Variants in STPG2 observed in about 807,000 individuals in gnomAD.
The protein encoded by STPG2 is sperm tail PG-rich repeat containing 2.
STPG2 carries 56 observed loss-of-function variants against 54.2 expected under a neutral mutation model. That is an observed-to-expected ratio of 1.03 (90% CI 0.83 to 1.29). STPG2 has a LOEUF of 1.29. STPG2 is among the 50% of genes most tolerant of loss of function. STPG2 has a pLI of 0.00. For synonymous variants in STPG2, 200 were observed against 181.8 expected (o/e 1.10, Z -0.81); for missense variants, 596 against 544.9 (o/e 1.09, Z -0.93).
At chr4:97,849,645 A>T (rs1729086798) in intron 8 of STPG2, among the ~76,000 whole-genome samples, 1 of 152,216 alleles carries the variant, frequency 6.6e-6, no homozygotes, top group Admixed American at 6.5e-5. Context: ...GTAGACATTT[A>T]TGCAGCCAAA....
At chr4:97,798,378 T>C (rs1727273354) in intron 9 of STPG2, among the ~76,000 whole-genome samples, 1 of 152,220 alleles carries the variant, frequency 6.6e-6, no homozygotes, top group South Asian at 2.1e-4. Context: ...TTCTGGTATG[T>C]TGTGTCTTTG....
chr4:98,109,223 C>A lies in STPG2; in HGVS notation c.470G>T (p.Gly157Val), dbSNP rs748348637. Reference protein sequence around the residue: ...SGRQELPKKSGPGPGQYDIVQ... With the variant: ...SGRQELPKKSVPGPGQYDIVQ... ...TATATCATACTGTCCTGGACCAGGACCTGACTTTTTAGGTAACTCTTGTCT... is the reference window on the plus strand; with the variant it reads ...TATATCATACTGTCCTGGACCAGGAACTGACTTTTTAGGTAACTCTTGTCT... Residue 157 changes from glycine (G) to valine (V), a missense_variant, in exon 4 of 11, where the codon GGT (glycine) becomes GTT (valine). Transcript: ENST00000295268. The A allele has an allele frequency of 6.2e-7, 1 of 1,610,272 alleles. No homozygotes were observed. Among genetic ancestry groups the A allele is most frequent in the Non-Finnish European group, 8.5e-7 (1 of 1,177,890 alleles).
At chr4:97,510,180 C>A (rs560968048) in intron 4 of STPG2, among the ~76,000 whole-genome samples, 2 of 152,090 alleles carry the variant, frequency 1.3e-5, no homozygotes, top group African/African-American at 2.4e-5. Context: ...CTGTGTTCCA[C>A]AGTTTTACTC....
intron 10 of STPG2, among the ~76,000 whole-genome samples, chr4:97,663,348 T>TA (rs1370709160): frequency 4.6e-5 from 7 of 152,092 alleles, no homozygotes; most frequent in Admixed American, 4.6e-4. Context: ...AAATAAAATT[T>TA]AAAAAACAAA....
chr4:98,019,495 T>C (rs1176967569), intron 5 of STPG2, among the ~76,000 whole-genome samples: 1 of 151,966 alleles, frequency 6.6e-6, no homozygotes, highest in African/African-American at 2.4e-5. Context: ...GACTTGGCGA[T>C]GCGGGCTCTT....
intron 5 of STPG2, among the ~76,000 whole-genome samples, chr4:98,062,512 T>C (rs1737694893): frequency 6.6e-6 from 1 of 152,158 alleles, no homozygotes; most frequent in Admixed American, 6.5e-5. Context: ...TCGAGAATCC[T>C]TCACAGGGGA....
At chr4:98,114,559 T>C (rs1328607435) in intron 3 of STPG2, among the ~76,000 whole-genome samples, 1 of 152,066 alleles carries the variant, frequency 6.6e-6, no homozygotes, top group Non-Finnish European at 1.5e-5. Flanking sequence ...TAAGGTTTTG[T>C]ATTAACTCTT....
intron 5 of STPG2, among the ~76,000 whole-genome samples, chr4:98,102,965 T>C (rs531434301): frequency 1.3e-5 from 2 of 150,670 alleles, no homozygotes; most frequent in Non-Finnish European, 3.0e-5. Context: ...CTGGTCCCAT[T>C]TCCCTTATTC....
intron 6 of STPG2, among the ~76,000 whole-genome samples, chr4:97,978,062 T>C (rs146193310): frequency 1.6e-3 from 247 of 152,306 alleles, no homozygotes; most frequent in Non-Finnish European, 2.9e-3. Context: ...GTGCCAATAG[T>C]TCCTTTCATC....
At chr4:97,928,669 G>T (rs1436000575) in intron 8 of STPG2, among the ~76,000 whole-genome samples, 1 of 151,862 alleles carries the variant, frequency 6.6e-6, no homozygotes, top group African/African-American at 2.4e-5. Context: ...TAGTTTTGTT[G>T]CATGTACCAT....
At chr4:97,480,645 A>C (rs1358351266) in intron 4 of STPG2, among the ~76,000 whole-genome samples, 1 of 151,504 alleles carries the variant, frequency 6.6e-6, no homozygotes, top group African/African-American at 2.4e-5. Flanking sequence ...GTAGGTATGT[A>C]ATGTGGTTTT....
At chr4:98,036,240 A>G (rs1736775381) in intron 5 of STPG2, among the ~76,000 whole-genome samples, 1 of 152,128 alleles carries the variant, frequency 6.6e-6, no homozygotes, top group African/African-American at 2.4e-5. Context: ...ATTGTGGAAG[A>G]AAGTATGGTG....
intron 9 of STPG2, among the ~76,000 whole-genome samples, chr4:97,787,962 G>T (rs1208114779): frequency 4.6e-5 from 7 of 151,574 alleles, no homozygotes; most frequent in Non-Finnish European, 1.0e-4. Context: ...CATAGTAGGT[G>T]TATAGATTTA....
intron 10 of STPG2, among the ~76,000 whole-genome samples, chr4:97,627,895 G>C (rs1371769668): frequency 6.6e-6 from 1 of 152,096 alleles, no homozygotes; most frequent in African/African-American, 2.4e-5. Flanking sequence ...GGGAGTATGA[G>C]AAGACTGATG....
chr4:98,017,609 A>T (rs7672720), intron 5 of STPG2, among the ~76,000 whole-genome samples: 59,673 of 151,606 alleles, frequency 0.39, 11,908 homozygotes, highest in Middle Eastern at 0.46. Flanking sequence ...GATACTGTAA[A>T]CTCTTATCTG....
In STPG2 at chr4:97,777,554, C is replaced by T. The variant is rs6836136; in HGVS notation, c.1204+63219G>A. On this transcript the variant is annotated intron_variant, in intron 9 of 10. Transcript: ENST00000295268. ...ATGTTGCTATACCTGGTTCTATTAGCTCTAGGGAATGGACAAAAGGATTGC... is the reference window on the plus strand; with the variant it reads ...ATGTTGCTATACCTGGTTCTATTAGTTCTAGGGAATGGACAAAAGGATTGC... Among the ~76,000 whole-genome samples the T allele has an allele frequency of 1.3e-3, 202 of 152,286 alleles. 1 individual carries two copies. The highest frequency in any genetic ancestry group is 4.7e-3 in the African/African-American group (195 of 41,564).
chr4:97,693,175 CA>C (rs1416826085), intron 10 of STPG2, among the ~76,000 whole-genome samples: 4 of 150,654 alleles, frequency 2.7e-5, no homozygotes, highest in Non-Finnish European at 4.4e-5. Context: ...CAACAAATAG[CA>C]TGATGAATAG....
At chr4:97,841,311 CATT>C (rs1728795473) in intron 8 of STPG2, among the ~76,000 whole-genome samples, 1 of 151,634 alleles carries the variant, frequency 6.6e-6, no homozygotes, top group Non-Finnish European at 1.5e-5. Context: ...TGTAAGTGAA[CATT>C]GTTTTACTTA....
At chr4:97,988,552 T>C (rs1380283170) in intron 5 of STPG2, among the ~76,000 whole-genome samples, 1 of 152,180 alleles carries the variant, frequency 6.6e-6, no homozygotes, top group Non-Finnish European at 1.5e-5. Flanking sequence ...AATTTGATGA[T>C]GGGTTCCTAT....
Sources: gnomAD v4.1 joint callset for allele counts (sites outside exome capture counted in the v4.1 genomes callset) on GRCh38, gnomAD v4.1.1 for gene constraint, MANE v1.5 for transcripts, NCBI Gene and HGNC (gene_info 2026-07-23, HGNC 2026-07-21) for gene names.